CPS1: variants seen among roughly 807,000 people sequenced by gnomAD.
The protein encoded by CPS1 is carbamoyl-phosphate synthase [ammonia], mitochondrial.
CPS1 carries 109 observed loss-of-function variants against 174.6 expected under a neutral mutation model. The observed-to-expected ratio is 0.62, with a 90% CI of 0.53 to 0.73. CPS1 has a LOEUF of 0.73. CPS1 is among the 30% of genes least tolerant of loss of function. The probability of loss-of-function intolerance (pLI) is 0.00; values close to 1 mark genes in which losing one functional copy is unlikely to be tolerated. For missense variants in CPS1, 1,689 were observed against 1,821.9 expected, an observed-to-expected ratio of 0.93 and a Z score of 1.33; for synonymous variants, 637 against 632.0, an observed-to-expected ratio of 1.01 and a Z score of -0.12.
At chr2:210,506,374 C>A (rs1449669406) in intron 1 of CPS1, among the ~76,000 whole-genome samples, 1 of 152,062 alleles carries the variant, frequency 6.6e-6, no homozygotes, top group African/African-American at 2.4e-5. Flanking sequence ...CACACCAAAA[C>A]CCCATCTGTA....
intron 25 of CPS1, among the ~76,000 whole-genome samples, chr2:210,644,963 G>T (rs1700331786): frequency 1.3e-5 from 2 of 152,098 alleles, no homozygotes; most frequent in Non-Finnish European, 2.9e-5. Flanking sequence ...AACAATATTT[G>T]AAATTTAGAA....
At chr2:210,641,417 C>T (rs920647556) in intron 24 of CPS1, among the ~76,000 whole-genome samples, 1 of 152,168 alleles carries the variant, frequency 6.6e-6, no homozygotes, top group African/African-American at 2.4e-5. Flanking sequence ...GGAGCCACTA[C>T]AGCTAGCAAG....
At chr2:210,521,522 A>G (rs1695825610) in intron 1 of CPS1, among the ~76,000 whole-genome samples, 1 of 151,672 alleles carries the variant, frequency 6.6e-6, no homozygotes, top group African/African-American at 2.4e-5. Context: ...TTAAAAAATT[A>G]TTTTTCTTTT....
At chr2:210,580,235 A>G (rs1378095983) in intron 5 of CPS1, among the ~76,000 whole-genome samples, 1 of 152,148 alleles carries the variant, frequency 6.6e-6, no homozygotes, top group African/African-American at 2.4e-5. Flanking sequence ...AAATTAATGC[A>G]TTATCTTTCA....
chr2:210,597,308 T>C (rs1304495547), intron 13 of CPS1, among the ~76,000 whole-genome samples: 1 of 151,880 alleles, frequency 6.6e-6, no homozygotes, highest in East Asian at 1.9e-4. Flanking sequence ...GAGAGATGAC[T>C]CGTATTGAGG....
intron 8 of CPS1, among the ~76,000 whole-genome samples, chr2:210,590,568 A>G (rs1267972060): frequency 1.3e-5 from 2 of 152,072 alleles, no homozygotes; most frequent in African/African-American, 4.8e-5. Flanking sequence ...TAAGACCTGC[A>G]GGTCTCTAAA....
At chr2:210,483,239 G>A (rs887310175) in intron 1 of CPS1, among the ~76,000 whole-genome samples, 1 of 152,134 alleles carries the variant, frequency 6.6e-6, no homozygotes, top group Non-Finnish European at 1.5e-5. Context: ...AGAGCAATTA[G>A]TGGTGTTGGT....
At chr2:210,518,795 G>A (rs778484894) in intron 1 of CPS1, among the ~76,000 whole-genome samples, 2 of 151,928 alleles carry the variant, frequency 1.3e-5, no homozygotes, top group African/African-American at 2.4e-5. Context: ...TGACAATTAC[G>A]TGTTTCCTAA....
chr2:210,647,793 C>T (rs1168999686), intron 25 of CPS1, 70 bp from the exon 26 acceptor site: 5 of 1,512,136 alleles, frequency 3.3e-6, no homozygotes, highest in Non-Finnish European at 4.6e-6. Context: ...GAAATAGACA[C>T]AATATTAGCA....
chr2:210,608,813 G>A (rs572755178), intron 19 of CPS1, among the ~76,000 whole-genome samples: 14 of 151,880 alleles, frequency 9.2e-5, no homozygotes, highest in African/African-American at 3.4e-4. Context: ...AAAAGGTGAG[G>A]CCATATATCT....
chr2:210,670,005 A>C (rs1701243727), intron 34 of CPS1, among the ~76,000 whole-genome samples: 1 of 152,122 alleles, frequency 6.6e-6, no homozygotes, highest in Non-Finnish European at 1.5e-5. Flanking sequence ...TATTTGCGTA[A>C]TTTTGGCATT....
At chr2:210,668,076 A>C (rs139869007) in intron 33 of CPS1, 110 bp from the exon 34 acceptor site, 2 of 664,074 alleles carry the variant, frequency 3.0e-6, no homozygotes, top group African/African-American at 3.7e-5. Context: ...TTGTGCGTGC[A>C]TGTGTGTGTG....
intron 34 of CPS1, chr2:210,672,151 A>C (rs979742663): frequency 6.6e-6 from 1 of 152,158 alleles, no homozygotes; most frequent in African/African-American, 2.4e-5. Context: ...ATTCCCAGGT[A>C]ATGCTGATGC....
At chr2:210,491,260 G>T (rs1450062914) in intron 1 of CPS1, among the ~76,000 whole-genome samples, 1 of 145,394 alleles carries the variant, frequency 6.9e-6, no homozygotes, top group African/African-American at 2.6e-5. Flanking sequence ...TTAACTGTTG[G>T]ATATTTTGAA....
chr2:210,599,260 A>T, intron 13 of CPS1, 112 bp from the exon 14 acceptor site: 1 of 919,472 alleles, frequency 1.1e-6, no homozygotes, highest in Non-Finnish European at 1.8e-6. Context: ...ACGGATCTCT[A>T]CGGCCCACAG....
At chr2:210,671,998 C>A (rs77613168) in intron 34 of CPS1, 3,858 of 152,214 alleles carry the variant, frequency 0.025, 87 homozygotes, top group Admixed American at 0.045. Context: ...GTCTTCCTAT[C>A]CCCTATTCCC....
intron 16 of CPS1, 145 bp from the exon 17 acceptor site, chr2:210,604,957 T>C (rs760394153): frequency 1.0e-5 from 8 of 788,944 alleles, no homozygotes; most frequent in Admixed American, 4.2e-5. Context: ...TTCTGACACA[T>C]TGTGCCTTCT....
At chr2:210,508,939 T>C (rs1023050758) in intron 1 of CPS1, among the ~76,000 whole-genome samples, 2 of 152,192 alleles carry the variant, frequency 1.3e-5, no homozygotes, top group Non-Finnish European at 2.9e-5. Flanking sequence ...ACAGCTGAAT[T>C]CTACCAGAGG....
chr2:210,507,182 G>A (rs1325386906), intron 1 of CPS1, among the ~76,000 whole-genome samples: 1 of 152,212 alleles, frequency 6.6e-6, no homozygotes, highest in African/African-American at 2.4e-5. Flanking sequence ...GGATCTCTCG[G>A]CAGAAACTCT....
Sources: allele counts gnomAD v4.1 joint callset (sites outside exome capture counted in the v4.1 genomes callset), GRCh38; gene constraint gnomAD v4.1.1; transcripts MANE v1.5; gene names NCBI Gene and HGNC (gene_info 2026-07-23, HGNC 2026-07-21).